The following GPATCH2 variants were observed in gnomAD, a reference collection of about 807,000 sequenced individuals.
GPATCH2 encodes G-patch domain containing 2.
In GPATCH2, 51 loss-of-function variants were observed where a neutral mutation model predicts 58.0. The ratio of observed to expected loss-of-function variants is 0.88; its 90% CI spans 0.70 to 1.11. GPATCH2 has a LOEUF of 1.11. GPATCH2 is among the 50% of genes most tolerant of loss of function. The pLI is 0.00. For missense variants in GPATCH2, 625 were observed against 652.2 expected, an observed-to-expected ratio of 0.96 and a Z score of 0.45; for synonymous variants, 222 against 218.5, an observed-to-expected ratio of 1.02 and a Z score of -0.14.
At chr1:217,549,220 G>C (rs1665226098) in intron 5 of GPATCH2, among the ~76,000 whole-genome samples, 1 of 152,084 alleles carries the variant, frequency 6.6e-6, no homozygotes, top group South Asian at 2.1e-4. Context: ...GACATCATGG[G>C]AGATATATTT....
At chr1:217,548,708 C>A (rs1665198850) in intron 5 of GPATCH2, among the ~76,000 whole-genome samples, 1 of 152,062 alleles carries the variant, frequency 6.6e-6, no homozygotes, top group Non-Finnish European at 1.5e-5. Context: ...GGGGCAGTTT[C>A]CTCCATACTG....
chr1:217,441,986 T>C lies in GPATCH2; in HGVS notation c.1366+7263A>G, dbSNP rs564772449. Among the ~76,000 whole-genome samples, 4 of 152,304 alleles carry C rather than the reference T, an allele frequency of 2.6e-5. 1 individual carries two copies. The South Asian group carries it at 8.3e-4, about 32-fold the overall frequency. ...ATACCATTTGACCCAGCAATCTCAT[T>C]ACTGGGTATATATCCAAAGGAATAT... On this transcript the variant is annotated intron_variant, in intron 9 of 9. Transcript: ENST00000366935.
chr1:217,466,002 A>C (rs1420818834), intron 8 of GPATCH2, among the ~76,000 whole-genome samples: 2 of 152,218 alleles, frequency 1.3e-5, no homozygotes, highest in African/African-American at 4.8e-5. Flanking sequence ...GCATTGGAGT[A>C]ACATATTTAA....
chr1:217,610,277 A>C, intron 5 of GPATCH2, 44 bp downstream of exon 5: 1 of 1,473,134 alleles, frequency 6.8e-7, no homozygotes. Context: ...ATAGAAATGG[A>C]AACATTTCCA....
intron 5 of GPATCH2, among the ~76,000 whole-genome samples, chr1:217,607,952 TTAA>T (rs1571645500): frequency 1.3e-5 from 2 of 152,304 alleles, no homozygotes; most frequent in East Asian, 3.9e-4. Flanking sequence ...GCTCAGAAAA[TTAA>T]TCTCTCTTAA....
intron 3 of GPATCH2, among the ~76,000 whole-genome samples, chr1:217,613,754 G>A (rs1008001999): frequency 2.6e-5 from 4 of 152,068 alleles, no homozygotes; most frequent in Non-Finnish European, 5.9e-5. Context: ...GAATAAAAAT[G>A]ACAAATGACT....
At chr1:217,579,581 T>C (rs900936336) in intron 5 of GPATCH2, among the ~76,000 whole-genome samples, 2 of 152,172 alleles carry the variant, frequency 1.3e-5, no homozygotes, top group Non-Finnish European at 2.9e-5. Flanking sequence ...AGTTCAAATG[T>C]TCAGACATAA....
intron 5 of GPATCH2, among the ~76,000 whole-genome samples, chr1:217,584,344 A>AAAAAAAATATATATATAT (rs1463910405): frequency 9.8e-6 from 1 of 101,876 alleles, no homozygotes. Flanking sequence ...AAAAAAAAAA[A>AAAAAAAATATATATATAT]ATATATATAT....
At chr1:217,609,094 T>C (rs947045012) in intron 5 of GPATCH2, 2 of 817,150 alleles carry the variant, frequency 2.4e-6, no homozygotes, top group East Asian at 2.5e-4. Flanking sequence ...CACATTGTTT[T>C]TCATTATTGA....
At chr1:217,442,342 G>C (rs111609884) in intron 9 of GPATCH2, among the ~76,000 whole-genome samples, 38 of 152,206 alleles carry the variant, frequency 2.5e-4, no homozygotes, top group African/African-American at 8.4e-4. Context: ...GGCCTCTTGT[G>C]GGGTGGAGGG....
intron 9 of GPATCH2, among the ~76,000 whole-genome samples, chr1:217,431,884 A>G (rs1658554546): frequency 6.6e-6 from 1 of 152,168 alleles, no homozygotes; most frequent in Non-Finnish European, 1.5e-5. Context: ...GGCATCTTGA[A>G]TTCCTAGGAA....
chr1:217,486,036 A>G (rs192313378), intron 8 of GPATCH2, among the ~76,000 whole-genome samples: 13 of 152,294 alleles, frequency 8.5e-5, no homozygotes, highest in Admixed American at 8.5e-4. Flanking sequence ...TCCATATGAA[A>G]TTTAGAATTA....
intron 5 of GPATCH2, among the ~76,000 whole-genome samples, chr1:217,560,023 AT>A (rs1300851486): frequency 6.6e-6 from 1 of 151,952 alleles, no homozygotes; most frequent in African/African-American, 2.4e-5. Context: ...TAATTTTTGT[AT>A]TTTTAGTGGA....
chr1:217,616,847 A>C (rs1047787082), intron 2 of GPATCH2, among the ~76,000 whole-genome samples: 1 of 152,164 alleles, frequency 6.6e-6, no homozygotes, highest in African/African-American at 2.4e-5. Flanking sequence ...AATTTGTTCA[A>C]TTCCTATATT....
At chr1:217,446,279 A>C (rs535795167) in intron 9 of GPATCH2, among the ~76,000 whole-genome samples, 13 of 152,304 alleles carry the variant, frequency 8.5e-5, no homozygotes, top group Admixed American at 6.5e-4. Context: ...AAGGGCCTAT[A>C]AAAGGGCAAG....
intron 5 of GPATCH2, among the ~76,000 whole-genome samples, chr1:217,586,757 C>T (rs1295455310): frequency 2.6e-5 from 4 of 152,058 alleles, no homozygotes; most frequent in African/African-American, 9.7e-5. Flanking sequence ...CCAGAATCAC[C>T]ACAAACATGT....
In GPATCH2 at chr1:217,449,230, A is replaced by C; in HGVS notation, c.1366+19T>G. The C allele has an allele frequency of 7.4e-7, 1 of 1,358,976 alleles. No individual in the cohort carries two copies. The highest frequency in any genetic ancestry group is 1.1e-6 in the Non-Finnish European group (1 of 946,986). The allele number at this position is 1,358,976 out of a possible 1,614,324, so 84.2% of individuals were successfully genotyped here. A position where few individuals can be genotyped will look rare whatever the true frequency, so the allele number is the denominator to read the frequency against. ...GAACTCTACATTTGTGCTCCACTCT[A>C]ACCCTGCTTTTGTTTTACCTGCAGT... On this transcript the variant is annotated intron_variant, in intron 9 of 9. Transcript: ENST00000366935.
intron 8 of GPATCH2, among the ~76,000 whole-genome samples, chr1:217,462,013 A>C (rs1660222166): frequency 6.6e-6 from 1 of 152,194 alleles, no homozygotes; most frequent in Admixed American, 6.5e-5. Flanking sequence ...TGGGAGGAAG[A>C]GGATTTCAGG....
Position 217,629,164 on chromosome 1 carries a change from T to A in GPATCH2, c.56+1752A>T, listed in dbSNP as rs115932518. On this transcript the variant is annotated intron_variant, in intron 1 of 9. Transcript: ENST00000366935. ...ATCAAACATACTTATATAGTAAATA[T>A]CTGTTCAATTAATGAAGAAGAAAAT... Among the ~76,000 whole-genome samples the A allele has an allele frequency of 1.4e-3, 216 of 151,982 alleles. 1 individual carries two copies. Among genetic ancestry groups the A allele is most frequent in the African/African-American group, 5.0e-3 (207 of 41,500 alleles).
Sources: gnomAD v4.1 joint callset for allele counts (sites outside exome capture counted in the v4.1 genomes callset) on GRCh38, gnomAD v4.1.1 for gene constraint, MANE v1.5 for transcripts, NCBI Gene and HGNC (gene_info 2026-07-23, HGNC 2026-07-21) for gene names.